Variants in KDM2B observed in about 807,000 individuals in gnomAD.
KDM2B encodes the protein lysine demethylase 2B.
KDM2B carries 26 observed loss-of-function variants against 150.0 expected under a neutral mutation model. That is an observed-to-expected ratio of 0.17 (90% CI 0.13 to 0.24). The LOEUF (loss-of-function observed/expected upper bound fraction) is 0.24. KDM2B is among the 10% of genes least tolerant of loss of function. The pLI, the probability that KDM2B is intolerant of heterozygous loss-of-function variation, is 1.00. For missense variants in KDM2B, 1,265 were observed against 1,816.9 expected (o/e 0.70, Z 5.52); for synonymous variants, 734 against 729.5 (o/e 1.01, Z -0.10).
chr12:121,417,468 A>C, the KDM2B span: 3 of 1,566,606 alleles, frequency 1.9e-6, no homozygotes, highest in Non-Finnish European at 2.6e-6. The surrounding 1 kb of genome is among the most constrained non-coding windows in gnomAD (Gnocchi z 5.0). Context: ...ATAATGGTTT[A>C]TATCTTGCTG....
intron 2 of KDM2B, among the ~76,000 whole-genome samples, chr12:121,577,850 G>C (rs1566439961): frequency 6.6e-6 from 1 of 152,210 alleles, no homozygotes; most frequent in Non-Finnish European, 1.5e-5. Flanking sequence ...ACTGGCTGCA[G>C]GCTGGGAAGG....
At chr12:121,509,450 C>A in intron 11 of KDM2B, 117 bp downstream of exon 11, 2 of 1,494,804 alleles carry the variant, frequency 1.3e-6, no homozygotes, top group Admixed American at 2.3e-5. Flanking sequence ...CAGCGCCCAC[C>A]CGAATGCTCA....
intron 15 of KDM2B, 47 bp downstream of exon 15, chr12:121,444,403 C>T (rs1555289618): frequency 6.2e-7 from 1 of 1,609,992 alleles, no homozygotes; most frequent in South Asian, 1.1e-5. Flanking sequence ...CAGGCCCAGG[C>T]CCGCCCCTCT....
chr12:121,493,642 CT>C (rs1269612857), intron 12 of KDM2B, among the ~76,000 whole-genome samples: 2 of 152,112 alleles, frequency 1.3e-5, no homozygotes, highest in African/African-American at 2.4e-5. Flanking sequence ...CTTGGCTGTC[CT>C]AACGGGTGAC....
intron 8 of KDM2B, chr12:121,524,691 C>T (rs1555306502): frequency 1.1e-5 from 5 of 454,516 alleles, no homozygotes; most frequent in Non-Finnish European, 2.2e-5. Flanking sequence ...CTCCGATGGC[C>T]TCTCGACAGC....
the KDM2B span, chr12:121,420,444 T>G: frequency 1.9e-6 from 3 of 1,553,072 alleles, no homozygotes; most frequent in Non-Finnish European, 2.6e-6. Flanking sequence ...CTGGTTTGAA[T>G]GTAGGACAGT....
intron 22 of KDM2B, among the ~76,000 whole-genome samples, chr12:121,432,926 A>C (rs1482667258): frequency 2.6e-5 from 4 of 152,216 alleles, no homozygotes; most frequent in African/African-American, 9.7e-5. Context: ...GGCAGCTCCC[A>C]TGCCAGAGAA....
chr12:121,558,455 C>CTTTTTTT (rs62698361), intron 4 of KDM2B, among the ~76,000 whole-genome samples: 1 of 135,524 alleles, frequency 7.4e-6, no homozygotes, highest in Non-Finnish European at 1.6e-5. Flanking sequence ...TTTTCTTTTT[C>CTTTTTTT]TTTTTTTTTT....
chr12:121,571,119 G>A (rs1891056611), intron 4 of KDM2B, among the ~76,000 whole-genome samples: 2 of 152,192 alleles, frequency 1.3e-5, no homozygotes. Context: ...CCACTTGAAT[G>A]AAATGTCCAG....
intron 14 of KDM2B, 44 bp downstream of exon 14, chr12:121,445,231 T>C: frequency 6.3e-7 from 1 of 1,597,338 alleles, no homozygotes; most frequent in Non-Finnish European, 8.5e-7. Flanking sequence ...CAACCCTACC[T>C]GCCCCAGAGC....
At chr12:121,445,589 C>A (rs1225080184) in intron 13 of KDM2B, among the ~76,000 whole-genome samples, 171 bp from the exon 14 acceptor site, 1 of 152,214 alleles carries the variant, frequency 6.6e-6, no homozygotes, top group Non-Finnish European at 1.5e-5. Flanking sequence ...CAGGCTACTA[C>A]CTCCACATGC....
rs781875148 is a variant in KDM2B at position 121,442,443 on chromosome 12, C to T, written c.2998G>A (p.Gly1000Arg). The T allele has an allele frequency of 6.2e-7, 1 of 1,600,034 alleles. No individual in the cohort carries two copies. Among genetic ancestry groups the T allele is most frequent in the South Asian group, 1.1e-5 (1 of 90,996 alleles). ...AGCTCCCGGGGGGTGCCGTTGAGCC[C>T]CTTGCTGAAGCGGTGGGGACGCTCG... is the stretch of plus-strand genomic sequence containing the variant. ...ICERPHRFSK[G>R]LNGTPRELRH... Residue 1000 changes from glycine (G) to arginine (R), a missense_variant, in exon 19 of 23, where the codon GGG (glycine) becomes AGG (arginine). Gly to Arg is a moderately radical substitution (Grantham distance 125). Coordinates refer to ENST00000377071, the MANE Select transcript of KDM2B (RefSeq NM_032590.5). This position sits in a 1 kb window ranked among gnomAD's most constrained non-coding sequence, Gnocchi z 7.7.
At chr12:121,504,182 C>T (rs1010084867) in intron 11 of KDM2B, among the ~76,000 whole-genome samples, 1 of 152,090 alleles carries the variant, frequency 6.6e-6, no homozygotes, top group Admixed American at 6.6e-5. Flanking sequence ...AGCCCTCTAA[C>T]GCTGTACAGT....
At chr12:121,420,220 C>A in the KDM2B span, 8 of 1,606,860 alleles carry the variant, frequency 5.0e-6, no homozygotes, top group South Asian at 1.1e-5. Flanking sequence ...CTGACCTAAT[C>A]AGATACGTTG....
At chr12:121,474,543 ATAT>A (rs1881138744) in intron 12 of KDM2B, among the ~76,000 whole-genome samples, 1 of 152,160 alleles carries the variant, frequency 6.6e-6, no homozygotes, top group African/African-American at 2.4e-5. Context: ...GGTTAGGTAG[ATAT>A]TACCTCAACA....
chr12:121,444,594 C>T, intron 14 of KDM2B, 58 bp from the exon 15 acceptor site: 1 of 1,445,244 alleles, frequency 6.9e-7, no homozygotes, highest in Admixed American at 1.7e-5. Context: ...CCCACGGGCA[C>T]AAGGCTCTGT....
chr12:121,452,296 C>A lies in KDM2B; in HGVS notation c.1959+824G>T, dbSNP rs117423166. ...AATGATTAATGTATTTTTTTTACCA[C>A]AATTTCAAAAAACAAAACACAAGAA... On this transcript the variant is annotated intron_variant, in intron 13 of 22. Transcript: ENST00000377071. The surrounding 1 kb of genome is among the most constrained non-coding windows in gnomAD (Gnocchi z 4.4). 3.5e-4 allele frequency among the ~76,000 whole-genome samples: 54 copies of A among 152,248 alleles called. No individual in the cohort carries two copies. The East Asian group carries it at 0.01, about 29-fold the overall frequency.
Position 121,452,603 on chromosome 12 carries a change from G to C in KDM2B, c.1959+517C>G, listed in dbSNP as rs1877482106. Among the ~76,000 whole-genome samples, 2 of 152,274 alleles carry C rather than the reference G, an allele frequency of 1.3e-5. No individual in the cohort carries two copies. Among genetic ancestry groups the C allele is most frequent in the South Asian group, 4.1e-4 (2 of 4,838 alleles). On this transcript the variant is annotated intron_variant, in intron 13 of 22. Coordinates refer to ENST00000377071, the MANE Select transcript of KDM2B (RefSeq NM_032590.5). The surrounding 1 kb of genome is among the most constrained non-coding windows in gnomAD (Gnocchi z 4.4). ...CCCCGCGACCTCGCCCCGTTGCGAA[G>C]TCCATGTCCACTGCCCTGTCTGGGG...
chr12:121,521,357 C>A lies in KDM2B; in HGVS notation c.932-257G>T, dbSNP rs1886675026. On this transcript the variant is annotated intron_variant, in intron 8 of 22. Coordinates refer to ENST00000377071, the MANE Select transcript of KDM2B (RefSeq NM_032590.5). The surrounding 1 kb of genome is among the most constrained non-coding windows in gnomAD (Gnocchi z 4.9). ...GGAGCTGGGAAGCTGCAGATCAGCC[C>A]CCACTTCTTGAGGACCGTGATGACA... 1.3e-5 allele frequency among the ~76,000 whole-genome samples: 2 copies of A among 152,138 alleles called. No individual in the cohort carries two copies. Among genetic ancestry groups the A allele is most frequent in the Admixed American group, 1.3e-4 (2 of 15,278 alleles).
Sources: allele counts gnomAD v4.1 joint callset (sites outside exome capture counted in the v4.1 genomes callset), GRCh38; gene constraint gnomAD v4.1.1; non-coding constraint Gnocchi (gnomAD v3.1); transcripts MANE v1.5; gene names NCBI Gene and HGNC (gene_info 2026-07-23, HGNC 2026-07-21).